The following KCNAB1 variants were observed in gnomAD, a reference collection of about 807,000 sequenced individuals.
KCNAB1 encodes voltage-gated potassium channel subunit beta-1.
A neutral mutation model predicts 64.6 loss-of-function variants in KCNAB1; 35 were observed. That is an observed-to-expected ratio of 0.54 (90% CI 0.41 to 0.72). KCNAB1 has a LOEUF of 0.72. Ranked by LOEUF, KCNAB1 falls within the 30% of genes least tolerant of loss-of-function variation. The pLI is 0.00. For synonymous variants in KCNAB1, 177 were observed against 183.8 expected (o/e 0.96, Z 0.30); for missense variants, 401 against 512.9 (o/e 0.78, Z 2.11).
chr3:156,223,058 C>T lies in KCNAB1; in HGVS notation c.275+102172C>T, dbSNP rs539153343. ...CTGACTTCAAGAATGAAGCCACGGA[C>T]CCTCACAGTGAGTGTTACAGTTCTT... On this transcript the variant is annotated intron_variant, in intron 1 of 13. Coordinates refer to ENST00000490337, the MANE Select transcript of KCNAB1 (RefSeq NM_172160.3). 8.1e-4 allele frequency among the ~76,000 whole-genome samples: 124 copies of T among 152,282 alleles called. 1 individual carries two copies. Among genetic ancestry groups the T allele is most frequent in the Middle Eastern group, 6.8e-3 (2 of 294 alleles).
chr3:156,333,319 AACACACACACAC>A (rs10641743), intron 1 of KCNAB1, among the ~76,000 whole-genome samples: 1 of 143,302 alleles, frequency 7.0e-6, no homozygotes, highest in Non-Finnish European at 1.5e-5. Flanking sequence ...CGCACATAGA[AACACACACACAC>A]ACACACACAC....
chr3:156,431,520 G>A (rs1716208838), intron 2 of KCNAB1, among the ~76,000 whole-genome samples: 1 of 152,198 alleles, frequency 6.6e-6, no homozygotes, highest in Non-Finnish European at 1.5e-5. Flanking sequence ...AAAGTGCAGT[G>A]TACGTGGCTG....
chr3:156,221,785 CCA>C (rs1560144056), intron 1 of KCNAB1, among the ~76,000 whole-genome samples: 50 of 127,628 alleles, frequency 3.9e-4, no homozygotes, highest in African/African-American at 1.3e-3. Flanking sequence ...TCCCCCCCCG[CCA>C]AAAAAAAAGT....
At chr3:156,323,570 T>C (rs1395223638) in intron 1 of KCNAB1, among the ~76,000 whole-genome samples, 1 of 152,164 alleles carries the variant, frequency 6.6e-6, no homozygotes, top group East Asian at 1.9e-4. Flanking sequence ...TTTAAACAAA[T>C]CCCTTGATCC....
intron 1 of KCNAB1, among the ~76,000 whole-genome samples, chr3:156,330,482 G>C (rs114978154): frequency 2.0e-5 from 3 of 152,014 alleles, no homozygotes; most frequent in African/African-American, 7.2e-5. Context: ...CAGCCACAAG[G>C]GTATTTTACT....
intron 1 of KCNAB1, among the ~76,000 whole-genome samples, chr3:156,288,238 C>CTT (rs1182877749): frequency 6.6e-6 from 1 of 152,206 alleles, no homozygotes; most frequent in Admixed American, 6.5e-5. Context: ...TATGACCTCA[C>CTT]TTTACCTCAG....
intron 1 of KCNAB1, among the ~76,000 whole-genome samples, chr3:156,266,900 A>C (rs1241926830): frequency 6.6e-6 from 1 of 152,216 alleles, no homozygotes; most frequent in Non-Finnish European, 1.5e-5. Context: ...TGAAATAAAC[A>C]GAAAAAAGTC....
rs564679834 is a variant in KCNAB1, at chr3:156,303,703, G to C, written c.276-117913G>C. On this transcript the variant is annotated intron_variant, in intron 1 of 13. Coordinates refer to ENST00000490337, the MANE Select transcript of KCNAB1 (RefSeq NM_172160.3). ...GCATCATCTTTATATAGATAGGGCA[G>C]TGTATTTAGAGTCAACAGTGCACAT... Among the ~76,000 whole-genome samples, 4 of 152,316 alleles carry C rather than the reference G, an allele frequency of 2.6e-5. No individual in the cohort carries two copies. In the East Asian group the frequency reaches 5.8e-4, roughly 22 times the overall value.
chr3:156,422,384 G>A (rs1715521494), intron 2 of KCNAB1, among the ~76,000 whole-genome samples: 1 of 152,208 alleles, frequency 6.6e-6, no homozygotes, highest in Non-Finnish European at 1.5e-5. Flanking sequence ...GACCAGGATG[G>A]TAACTGAGGA....
chr3:156,168,874 GA>G (rs1711776966), intron 1 of KCNAB1, among the ~76,000 whole-genome samples: 1 of 152,150 alleles, frequency 6.6e-6, no homozygotes, highest in Non-Finnish European at 1.5e-5. Flanking sequence ...GTCATCCAGG[GA>G]CTTCTGTTAC....
At chr3:156,434,529 G>T (rs770040197) in intron 2 of KCNAB1, among the ~76,000 whole-genome samples, 6 of 151,872 alleles carry the variant, frequency 4.0e-5, no homozygotes, top group Non-Finnish European at 7.4e-5. Context: ...TAACATATCA[G>T]AAAAAGATCT....
At chr3:156,456,915 C>T (rs531984929) in intron 3 of KCNAB1, 1 of 154,078 alleles carries the variant, frequency 6.5e-6, no homozygotes, top group Admixed American at 6.5e-5. Context: ...GGCACGCTGC[C>T]GCCTCTCTGT....
intron 1 of KCNAB1, among the ~76,000 whole-genome samples, chr3:156,393,335 C>A (rs1168979128): frequency 6.6e-6 from 1 of 152,166 alleles, no homozygotes; most frequent in Non-Finnish European, 1.5e-5. Context: ...TTCTTCAGAG[C>A]AAACACATCC....
At chr3:156,517,376 G>T (rs1717629448) in intron 11 of KCNAB1, among the ~76,000 whole-genome samples, 1 of 152,152 alleles carries the variant, frequency 6.6e-6, no homozygotes, top group Non-Finnish European at 1.5e-5. Flanking sequence ...AATACAACAT[G>T]AATACGTCCT....
intron 1 of KCNAB1, among the ~76,000 whole-genome samples, chr3:156,389,463 C>T (rs1473647064): frequency 1.3e-5 from 2 of 152,222 alleles, no homozygotes; most frequent in African/African-American, 2.4e-5. Context: ...CTACTGCATT[C>T]TTATGACCAT....
chr3:156,534,415 T>G (rs1420586435), intron 13 of KCNAB1, among the ~76,000 whole-genome samples: 1 of 151,554 alleles, frequency 6.6e-6, no homozygotes. Context: ...TCCTCCCCAC[T>G]CCCACCTAAA....
At position 156,150,944 on chromosome 3, in the gene KCNAB1, T is replaced by A. The variant is rs374853338; in HGVS notation, c.275+30058T>A. The stretch of plus-strand genomic sequence containing the variant: ...AGAGCAAATTTTCTATGTCTGGGAG[T>A]TTTCTAGCGTAGGGGGTTCTGAGCT... On this transcript the variant is annotated intron_variant, in intron 1 of 13. Coordinates refer to ENST00000490337, the MANE Select transcript of KCNAB1 (RefSeq NM_172160.3). 4.2e-4 allele frequency among the ~76,000 whole-genome samples: 64 copies of A among 151,750 alleles called. 8 individuals are homozygous for A. The highest frequency in any genetic ancestry group is 2.9e-3 in the East Asian group (15 of 5,168).
At chr3:156,423,192 A>T (rs1715579812) in intron 2 of KCNAB1, among the ~76,000 whole-genome samples, 1 of 152,236 alleles carries the variant, frequency 6.6e-6, no homozygotes, top group Non-Finnish European at 1.5e-5. Flanking sequence ...CTGAGCAGAC[A>T]AGTGGGATCA....
chr3:156,507,999 CAT>C (rs1312670519), intron 8 of KCNAB1, among the ~76,000 whole-genome samples: 1 of 152,130 alleles, frequency 6.6e-6, no homozygotes, highest in East Asian at 1.9e-4. Context: ...AAAAGTATAA[CAT>C]ATTTACTGGA....
Sources: gnomAD v4.1 joint callset for allele counts (sites outside exome capture counted in the v4.1 genomes callset) on GRCh38, gnomAD v4.1.1 for gene constraint, MANE v1.5 for transcripts, NCBI Gene and HGNC (gene_info 2026-07-23, HGNC 2026-07-21) for gene names.